IFT43: variants seen among roughly 807,000 people sequenced by gnomAD.
IFT43 encodes the protein intraflagellar transport 43.
In IFT43, 33 loss-of-function variants were observed where a neutral mutation model predicts 32.3. The ratio of observed to expected loss-of-function variants is 1.02; its 90% CI spans 0.77 to 1.37. IFT43 has a LOEUF of 1.37. Among genes scored for constraint, IFT43 ranks in the 40% most tolerant of loss-of-function variants. The pLI is 0.00. For missense variants in IFT43, 274 were observed against 265.9 expected (o/e 1.03, Z -0.21); for synonymous variants, 93 against 98.2 (o/e 0.95, Z 0.31).
intron 2 of IFT43, among the ~76,000 whole-genome samples, chr14:75,995,807 G>A (rs1435118853): frequency 6.6e-6 from 1 of 152,180 alleles, no homozygotes; most frequent in Non-Finnish European, 1.5e-5. Context: ...TGCCAAAGAG[G>A]GATGCAGGGA....
At chr14:76,028,558 C>T (rs541170005) in intron 3 of IFT43, among the ~76,000 whole-genome samples, 5 of 152,120 alleles carry the variant, frequency 3.3e-5, no homozygotes, top group South Asian at 4.2e-4. Context: ...TTCTATTGAT[C>T]CTGTCACTCA....
intron 3 of IFT43, among the ~76,000 whole-genome samples, chr14:76,024,345 T>C (rs1356240103): frequency 6.6e-6 from 1 of 152,222 alleles, no homozygotes. Flanking sequence ...ATTTTCATGC[T>C]AAGGTGTGGT....
At chr14:76,071,848 T>G (rs1052233107) in intron 5 of IFT43, among the ~76,000 whole-genome samples, 2 of 152,024 alleles carry the variant, frequency 1.3e-5, no homozygotes, top group African/African-American at 4.8e-5. Context: ...TGCGAGCTGC[T>G]CCAGCACACC....
intron 5 of IFT43, among the ~76,000 whole-genome samples, chr14:76,079,280 A>G (rs1377094329): frequency 6.6e-6 from 1 of 152,244 alleles, no homozygotes; most frequent in East Asian, 1.9e-4. Context: ...ACTGGGCAGG[A>G]GAAAATGAAG....
chr14:76,058,621 T>C lies in IFT43; in HGVS notation c.216-21T>C, dbSNP rs202040293. 844 of 1,594,110 alleles carry C rather than the reference T, an allele frequency of 5.3e-4. 7 individuals are homozygous for C. The Middle Eastern group carries it at 6.3e-3, about 12-fold the overall frequency. Reference sequence around the variant, plus strand: ...GACTAGTGGGCTCTCAAAAACCTTGTCTTTTCTTTTTTTTTTTCAGGTTTA... The same window carrying C: ...GACTAGTGGGCTCTCAAAAACCTTGCCTTTTCTTTTTTTTTTTCAGGTTTA... On this transcript the variant is annotated intron_variant, in intron 3 of 8. Coordinates refer to ENST00000314067, the MANE Select transcript of IFT43 (RefSeq NM_001102564.3).
At chr14:76,057,607 C>T (rs1032346929) in intron 3 of IFT43, among the ~76,000 whole-genome samples, 3 of 151,678 alleles carry the variant, frequency 2.0e-5, no homozygotes, top group Non-Finnish European at 2.9e-5. Context: ...GAGTTATTTG[C>T]GTTTTGCAAG....
At chr14:76,000,005 G>A (rs1043647821) in intron 2 of IFT43, among the ~76,000 whole-genome samples, 9 of 152,166 alleles carry the variant, frequency 5.9e-5, no homozygotes, top group South Asian at 2.1e-4. Context: ...GCTGGGAGGC[G>A]GTTGGAGCAG....
chr14:76,027,505 C>G (rs188983602), intron 3 of IFT43, among the ~76,000 whole-genome samples: 1 of 152,002 alleles, frequency 6.6e-6, no homozygotes, highest in Non-Finnish European at 1.5e-5. Flanking sequence ...GTCAGGAGAT[C>G]GAGACCATCC....
chr14:75,988,160 T>C (rs2139858270), intron 1 of IFT43, among the ~76,000 whole-genome samples: 1 of 152,284 alleles, frequency 6.6e-6, no homozygotes, highest in African/African-American at 2.4e-5. Context: ...TCTCTATAGC[T>C]GTTGAAAGAA....
chr14:76,029,327 A>G (rs1285111569), intron 3 of IFT43, among the ~76,000 whole-genome samples: 1 of 151,698 alleles, frequency 6.6e-6, no homozygotes, highest in African/African-American at 2.4e-5. Context: ...TTTCTTGTTG[A>G]TTTGTTTAAC....
At chr14:76,057,990 C>G (rs1417202583) in intron 3 of IFT43, among the ~76,000 whole-genome samples, 2 of 152,162 alleles carry the variant, frequency 1.3e-5, no homozygotes, top group Admixed American at 6.5e-5. Flanking sequence ...CTGCCCCCAC[C>G]CACCCAGACC....
At chr14:76,031,411 G>A (rs1417334395) in intron 3 of IFT43, among the ~76,000 whole-genome samples, 1 of 152,186 alleles carries the variant, frequency 6.6e-6, no homozygotes, top group Non-Finnish European at 1.5e-5. Flanking sequence ...TTCTGTGCCA[G>A]TGGTGTCTCT....
intron 2 of IFT43, among the ~76,000 whole-genome samples, chr14:76,021,799 C>A (rs2036296416): frequency 6.6e-6 from 1 of 152,132 alleles, no homozygotes; most frequent in African/African-American, 2.4e-5. Context: ...TACCAAATAG[C>A]CCTCCAGAAA....
intron 3 of IFT43, among the ~76,000 whole-genome samples, chr14:76,050,480 T>G (rs886864702): frequency 1.3e-5 from 2 of 152,018 alleles, no homozygotes; most frequent in African/African-American, 4.8e-5. Flanking sequence ...TTTGTTTGTT[T>G]TCTTGGGTTT....
intron 3 of IFT43, among the ~76,000 whole-genome samples, chr14:76,033,657 C>T (rs762287660): frequency 7.9e-5 from 12 of 152,092 alleles, no homozygotes; most frequent in Non-Finnish European, 1.3e-4. Context: ...AGGCAACTTT[C>T]GAGCTTTGAG....
At chr14:76,022,009 G>A (rs1470772178) in intron 2 of IFT43, among the ~76,000 whole-genome samples, 1 of 152,218 alleles carries the variant, frequency 6.6e-6, no homozygotes, top group Non-Finnish European at 1.5e-5. Context: ...CCAGCACTTT[G>A]GGAGGCCCAG....
At position 75,986,268 on chromosome 14, in the gene IFT43, A is replaced by G. The variant is rs190221008; in HGVS notation, c.54+428A>G. ...GTTCCTGCAAAAGCCGCACTGTTTT[A>G]TGCATGGAAGGGAGGCAGGCAGGGA... On this transcript the variant is annotated intron_variant, in intron 1 of 8. Transcript: ENST00000314067. 53 of 1,277,870 alleles carry G rather than the reference A, an allele frequency of 4.1e-5. 1 individual carries two copies. The Admixed American group carries it at 1.0e-3, about 24-fold the overall frequency. 79.2% of individuals were successfully genotyped at this position (1,277,870 alleles called of 1,614,324 possible).
At chr14:76,058,863 G>C in intron 4 of IFT43, 189 bp downstream of exon 4, 7 of 1,510,272 alleles carry the variant, frequency 4.6e-6, no homozygotes, top group Non-Finnish European at 6.2e-6. Context: ...CTGGACCCTG[G>C]CATTGATGCC....
At chr14:76,058,959 G>C in intron 4 of IFT43, 7 of 1,437,148 alleles carry the variant, frequency 4.9e-6, no homozygotes, top group Non-Finnish European at 6.3e-6. Context: ...TATTGATATA[G>C]ATGGGCAGAA....
Sources: allele counts gnomAD v4.1 joint callset (sites outside exome capture counted in the v4.1 genomes callset), GRCh38; gene constraint gnomAD v4.1.1; transcripts MANE v1.5; gene names NCBI Gene and HGNC (gene_info 2026-07-23, HGNC 2026-07-21).